DLGAP4: variants seen among roughly 807,000 people sequenced by gnomAD.
DLGAP4 encodes DLG associated protein 4.
Under a neutral mutation model 86.9 loss-of-function variants are expected in DLGAP4, and 18 were observed. That is an observed-to-expected ratio of 0.21 (90% confidence interval 0.14 to 0.31). The LOEUF is 0.31. DLGAP4 is among the 10% of genes least tolerant of loss of function. DLGAP4 has a pLI of 1.00. For missense variants in DLGAP4, 1,085 were observed against 1,362.6 expected, an observed-to-expected ratio of 0.80 and a Z score of 3.21; for synonymous variants, 548 against 574.3, an observed-to-expected ratio of 0.95 and a Z score of 0.65.
chr20:36,410,596 T>C (rs1315456144), intron 2 of DLGAP4, among the ~76,000 whole-genome samples: 1 of 152,102 alleles, frequency 6.6e-6, no homozygotes, highest in Non-Finnish European at 1.5e-5. Flanking sequence ...CAATCATGGC[T>C]GAAGGTGAAG....
intron 7 of DLGAP4, among the ~76,000 whole-genome samples, chr20:36,457,461 G>C (rs116284023): frequency 1.4e-5 from 2 of 145,974 alleles, no homozygotes; most frequent in Non-Finnish European, 3.0e-5. Context: ...TGCAATGTCC[G>C]CCTCCCTGGT....
chr20:36,432,275 G>C lies in DLGAP4; in HGVS notation c.558G>C (p.Glu186Asp), dbSNP rs1600521084. Residue 186 changes from glutamate (E) to aspartate (D), a missense_variant, in exon 3 of 13, where the codon GAG becomes GAC. Glu to Asp is a conservative substitution (Grantham distance 45, BLOSUM62 2). This residue lies in a region of DLGAP4 where 1,082 missense variants were observed against 1,344.1 expected (regional missense o/e 0.81). Transcript: ENST00000339266. This position sits in a 1 kb window ranked among gnomAD's most constrained non-coding sequence, Gnocchi z 6.5. ...DGKGRRAKSK[E>D]RAKAGEPKRR... ...AGGGCCGGAGGGCCAAAAGCAAGGAGCGGGCCAAGGCTGGGGAGCCCAAAC... is the reference window on the plus strand; with the variant it reads ...AGGGCCGGAGGGCCAAAAGCAAGGACCGGGCCAAGGCTGGGGAGCCCAAAC... 1.9e-6 allele frequency: 3 copies of C among 1,613,758 alleles called. No individual in the cohort carries two copies. The highest frequency in any genetic ancestry group is 2.5e-6 in the Non-Finnish European group (3 of 1,179,872).
At chr20:36,443,965 G>T (rs1373941791) in intron 6 of DLGAP4, among the ~76,000 whole-genome samples, 1 of 152,100 alleles carries the variant, frequency 6.6e-6, no homozygotes, top group Non-Finnish European at 1.5e-5. Context: ...TAAGTGACTT[G>T]CCCACGTTCA....
chr20:36,306,847 C>T lies in DLGAP4; in HGVS notation c.-304+335C>T, dbSNP rs1342399969. 1.3e-5 allele frequency among the ~76,000 whole-genome samples: 2 copies of T among 152,154 alleles called. No homozygotes were observed. Among genetic ancestry groups the T allele is most frequent in the African/African-American group, 4.8e-5 (2 of 41,458 alleles). ...CGGCTCTTTTTCCCGCGGACTCCCC[C>T]GTACCCCATATCAAGCGGCTGCCAA... On this transcript the variant is annotated intron_variant, in intron 1 of 12. Transcript: ENST00000339266. This position sits in a 1 kb window ranked among gnomAD's most constrained non-coding sequence, Gnocchi z 4.9.
chr20:36,477,353 C>G (rs1351092978), intron 7 of DLGAP4, among the ~76,000 whole-genome samples: 2 of 152,176 alleles, frequency 1.3e-5, no homozygotes, highest in Non-Finnish European at 2.9e-5. Flanking sequence ...CCTCTGCCTC[C>G]CAAAGTGCTG....
At chr20:36,503,898 A>AT (rs2036254234) in intron 10 of DLGAP4, among the ~76,000 whole-genome samples, 1 of 152,160 alleles carries the variant, frequency 6.6e-6, no homozygotes, top group Non-Finnish European at 1.5e-5. Context: ...GCTGAATAAT[A>AT]TTTCATTTCA....
At chr20:36,447,737 A>T (rs889341756) in intron 7 of DLGAP4, among the ~76,000 whole-genome samples, 1 of 151,874 alleles carries the variant, frequency 6.6e-6, no homozygotes, top group Non-Finnish European at 1.5e-5. Context: ...TCTTGTTCTA[A>T]ATCATCTGAA....
At chr20:36,327,023 A>G (rs1364641754) in intron 1 of DLGAP4, among the ~76,000 whole-genome samples, 9 of 117,608 alleles carry the variant, frequency 7.7e-5, no homozygotes, top group Non-Finnish European at 1.3e-4. Context: ...TTTTTTTGAG[A>G]CAGTCTCACT....
In DLGAP4 at chr20:36,527,310, C is replaced by T. The variant is rs1258009127; in HGVS notation, c.*279C>T. On this transcript the variant is annotated 3_prime_UTR_variant, in exon 13 of 13. Transcript: ENST00000339266. ...GGCCGTGGTGGACTAGATAGATGGA[C>T]GTCGGCAACTCCCGGCCCAGCCTCC... 1.4e-5 allele frequency: 4 copies of T among 289,862 alleles called. No individual in the cohort carries two copies. The highest frequency in any genetic ancestry group is 6.5e-5 in the South Asian group (1 of 15,310). The allele number at this position is 289,862 out of a possible 1,614,324, so 18.0% of individuals were successfully genotyped here. A position where few individuals can be genotyped will look rare whatever the true frequency, so the allele number is the denominator to read the frequency against.
intron 8 of DLGAP4, chr20:36,497,464 G>C: frequency 9.6e-7 from 1 of 1,043,706 alleles, no homozygotes; most frequent in Non-Finnish European, 1.2e-6. Flanking sequence ...CGGGTGCGGA[G>C]GCCATAGCCC....
rs1334104685 is a variant in DLGAP4 at position 36,528,005 on chromosome 20, G to GCGC, written c.*984_*986dup. 11 of 152,728 alleles carry GCGC rather than the reference G, an allele frequency of 7.2e-5. No individual in the cohort carries two copies. The highest frequency in any genetic ancestry group is 4.8e-5 in the African/African-American group (2 of 41,454). The allele number at this position is 152,728 out of a possible 1,614,324, so 9.5% of individuals were successfully genotyped here. On this transcript the variant is annotated 3_prime_UTR_variant, in exon 13 of 13. Coordinates refer to ENST00000339266, the MANE Select transcript of DLGAP4 (RefSeq NM_001365621.2). ...CCATCTGCTCACCCATGCCCACCCA[G>GCGC]CGCCGCCGCCGCTGGCTCTCGGGGC...
intron 2 of DLGAP4, among the ~76,000 whole-genome samples, chr20:36,390,510 T>TC (rs918033544): frequency 1.3e-5 from 2 of 152,014 alleles, no homozygotes; most frequent in African/African-American, 4.8e-5. Context: ...CCACATGGTG[T>TC]CCCCCTATAT....
At chr20:36,522,838 G>A (rs564719476) in intron 10 of DLGAP4, among the ~76,000 whole-genome samples, 31 of 151,950 alleles carry the variant, frequency 2.0e-4, no homozygotes, top group Non-Finnish European at 4.3e-4. Context: ...GGGTGGCACT[G>A]TCTTTATGCC....
At chr20:36,517,104 C>T (rs1486575849) in intron 10 of DLGAP4, among the ~76,000 whole-genome samples, 2 of 151,088 alleles carry the variant, frequency 1.3e-5, no homozygotes, top group South Asian at 2.1e-4. Flanking sequence ...AAAGGCTGGA[C>T]GCAGTGCCTC....
intron 1 of DLGAP4, among the ~76,000 whole-genome samples, chr20:36,333,625 A>C (rs1220914198): frequency 6.6e-6 from 1 of 152,156 alleles, no homozygotes; most frequent in African/African-American, 2.4e-5. Context: ...TGAGGATTCA[A>C]ATGTGTGGGT....
chr20:36,482,355 A>C (rs866692599), intron 7 of DLGAP4, among the ~76,000 whole-genome samples: 1 of 152,130 alleles, frequency 6.6e-6, no homozygotes. Flanking sequence ...TTTGTGACCT[A>C]TCGCCAGGGT....
chr20:36,514,489 C>T (rs1479574727), intron 10 of DLGAP4, among the ~76,000 whole-genome samples: 1 of 152,140 alleles, frequency 6.6e-6, no homozygotes, highest in African/African-American at 2.4e-5. Flanking sequence ...CAGCTCAATG[C>T]AGCCTTGAAC....
At chr20:36,329,770 C>T (rs782104444) in intron 1 of DLGAP4, among the ~76,000 whole-genome samples, 3 of 151,652 alleles carry the variant, frequency 2.0e-5, no homozygotes, top group Non-Finnish European at 4.4e-5. Context: ...CGATGGCTCA[C>T]GCCTGTAATC....
At chr20:36,311,903 G>T (rs1223717698) in intron 1 of DLGAP4, among the ~76,000 whole-genome samples, 1 of 152,224 alleles carries the variant, frequency 6.6e-6, no homozygotes, top group Non-Finnish European at 1.5e-5. Flanking sequence ...GTTCCCGTTT[G>T]TTCCACAGCA....
Sources: allele counts gnomAD v4.1 joint callset (sites outside exome capture counted in the v4.1 genomes callset), GRCh38; gene constraint gnomAD v4.1.1; regional missense constraint gnomAD v4.1.1; non-coding constraint Gnocchi (gnomAD v3.1); transcripts MANE v1.5; gene names NCBI Gene and HGNC (gene_info 2026-07-23, HGNC 2026-07-21).